Variants in CENPM observed in about 807,000 individuals in gnomAD.
CENPM encodes centromere protein M, also known as interphase centromere complex protein 39.
In CENPM, 14 loss-of-function variants were observed where a neutral mutation model predicts 19.6. The observed-to-expected ratio is 0.71, with a 90% CI of 0.47 to 1.11. CENPM has a LOEUF of 1.11. Among genes scored for constraint, CENPM ranks in the 50% most tolerant of loss-of-function variants. CENPM has a pLI of 0.00. For synonymous variants in CENPM, 114 were observed against 101.5 expected, an observed-to-expected ratio of 1.12 and a Z score of -0.74; for missense variants, 239 against 228.4, an observed-to-expected ratio of 1.05 and a Z score of -0.30.
At chr22:41,942,693 G>C (rs1018791342) in intron 5 of CENPM, among the ~76,000 whole-genome samples, 2 of 151,440 alleles carry the variant, frequency 1.3e-5, no homozygotes, top group South Asian at 2.1e-4. Context: ...AGAGCTTGCA[G>C]TGAGCCGAGA....
the CENPM span, among the ~76,000 whole-genome samples, chr22:41,933,190 C>T: frequency 1.2e-4 from 18 of 152,168 alleles, no homozygotes; most frequent in African/African-American, 4.3e-4. Flanking sequence ...CATCTCCCTA[C>T]CCGGCCGTCT....
chr22:41,947,108 G>C lies in CENPM; in HGVS notation c.-32C>G, dbSNP rs752516442. 1 of 1,609,622 alleles carries C rather than the reference G, an allele frequency of 6.2e-7. No individual in the cohort carries two copies. Among genetic ancestry groups the C allele is most frequent in the East Asian group, 2.2e-5 (1 of 44,780 alleles). On this transcript the variant is annotated 5_prime_UTR_variant, in exon 1 of 6. Transcript: ENST00000215980. ...CGCAGGACCAACCGTTGCTCCTGCG[G>C]TGCGCGCCGATCTTTCAAACCGCCC...
At chr22:41,934,683 A>G (rs2077676725), downstream of CENPM, among the ~76,000 whole-genome samples, 1 of 152,234 alleles carries the variant, frequency 6.6e-6, no homozygotes, top group Non-Finnish European at 1.5e-5. Flanking sequence ...AATACATAAA[A>G]TAGTGGCTTC....
chr22:41,932,824 G>T, the CENPM span, among the ~76,000 whole-genome samples: 4 of 152,218 alleles, frequency 2.6e-5, no homozygotes, highest in African/African-American at 9.6e-5. This position sits in a 1 kb window ranked among gnomAD's most constrained non-coding sequence, Gnocchi z 4.3. Context: ...CACGCAGGAA[G>T]GCCCTTGTGA....
chr22:41,940,384 G>A (rs184405763), intron 5 of CENPM, among the ~76,000 whole-genome samples: 5 of 152,154 alleles, frequency 3.3e-5, no homozygotes, highest in Admixed American at 3.3e-4. Context: ...ACAAAGCTGG[G>A]GCTTTTTTTG....
At chr22:41,934,220 C>T (rs201547603), downstream of CENPM, among the ~76,000 whole-genome samples, 2 of 152,304 alleles carry the variant, frequency 1.3e-5, no homozygotes, top group East Asian at 3.9e-4. Context: ...GTCCTGCCTC[C>T]TTGGTAGGGA....
downstream of CENPM, among the ~76,000 whole-genome samples, chr22:41,933,970 G>A (rs1216909664): frequency 6.6e-6 from 1 of 152,228 alleles, no homozygotes; most frequent in African/African-American, 2.4e-5. Context: ...AGGCTCTTCA[G>A]TTTCTCTCCA....
chr22:41,945,184 T>C (rs1569428035), intron 4 of CENPM, 41 bp downstream of exon 4: 1 of 1,613,568 alleles, frequency 6.2e-7, no homozygotes, highest in African/African-American at 1.3e-5. Context: ...CAGCTTTCCC[T>C]TGGCTGGGGG....
rs374540211 is a variant in CENPM at position 41,939,157 on chromosome 22, G to A, written c.442C>T (p.Arg148Cys). The A allele has an allele frequency of 1.7e-5, 27 of 1,612,432 alleles. No homozygotes were observed. The highest frequency in any genetic ancestry group is 2.2e-5 in the East Asian group (1 of 44,876). ...TGGCCAGCACAGATCTGCAGCACGCGCACCAGGCGCTGCGCCATGGTGGCC... is the reference window on the plus strand; with the variant it reads ...TGGCCAGCACAGATCTGCAGCACGCACACCAGGCGCTGCGCCATGGTGGCC... The part of the protein sequence containing the change: ...FRATMAQRLV[R>C]VLQICAGHVP... Residue 148 changes from arginine (R) to cysteine (C), a missense_variant, in exon 6 of 6, where the codon CGC (arginine) becomes TGC (cysteine). By Grantham distance (180) the Arg-to-Cys change is radical. Coordinates refer to ENST00000215980, the MANE Select transcript of CENPM (RefSeq NM_024053.5).
At chr22:41,928,083 T>C in the CENPM span, 1 of 309,214 alleles carries the variant, frequency 3.2e-6, no homozygotes, top group Non-Finnish European at 6.6e-6. This position sits in a 1 kb window ranked among gnomAD's most constrained non-coding sequence, Gnocchi z 4.0. Flanking sequence ...GACTGGGGCC[T>C]TATCTAGCAC....
intron 5 of CENPM, among the ~76,000 whole-genome samples, chr22:41,941,292 G>A (rs1455615771): frequency 1.3e-5 from 2 of 152,232 alleles, no homozygotes; most frequent in Non-Finnish European, 2.9e-5. Context: ...GACAACACCA[G>A]CATGAAGAAG....
At chr22:41,930,983 C>T in the CENPM span, among the ~76,000 whole-genome samples, 1 of 151,718 alleles carries the variant, frequency 6.6e-6, no homozygotes, top group African/African-American at 2.4e-5. Flanking sequence ...ATAACAGGCA[C>T]GTGCCACCAT....
chr22:41,945,870 C>T, intron 3 of CENPM, 43 bp downstream of exon 3: 1 of 1,524,070 alleles, frequency 6.6e-7, no homozygotes, highest in Non-Finnish European at 9.1e-7. Flanking sequence ...AGTCCTGAGC[C>T]AGGCCTGCCT....
intron 4 of CENPM, 142 bp downstream of exon 4, chr22:41,945,083 T>G: frequency 4.6e-6 from 7 of 1,525,594 alleles, no homozygotes; most frequent in Non-Finnish European, 6.2e-6. Flanking sequence ...TCCTTCTTCC[T>G]GCCCTCCACC....
the CENPM span, among the ~76,000 whole-genome samples, chr22:41,928,459 G>A: frequency 0.057 from 8,729 of 152,258 alleles, 302 homozygotes; most frequent in Non-Finnish European, 0.079. The surrounding 1 kb of genome is among the most constrained non-coding windows in gnomAD (Gnocchi z 4.0). Flanking sequence ...TCAGCAGAGA[G>A]CATGGGGTTA....
At chr22:41,940,831 C>T (rs1162564679) in intron 5 of CENPM, among the ~76,000 whole-genome samples, 1 of 152,162 alleles carries the variant, frequency 6.6e-6, no homozygotes, top group Admixed American at 6.5e-5. Flanking sequence ...GCTGCTGAGG[C>T]TTGGGTTCCA....
At chr22:41,930,109 A>C in the CENPM span, among the ~76,000 whole-genome samples, 1 of 150,134 alleles carries the variant, frequency 6.7e-6, no homozygotes, top group Admixed American at 6.7e-5. Flanking sequence ...ATGCCCGGCA[A>C]ATTTTTTGTA....
intron 1 of CENPM, chr22:41,946,731 G>A: frequency 1.7e-6 from 1 of 595,786 alleles, no homozygotes; most frequent in South Asian, 2.0e-5. Context: ...CCCACCGCCG[G>A]CCTCTCCAGG....
chr22:41,939,289 G>A, intron 5 of CENPM, 93 bp from the exon 6 acceptor site: 1 of 1,454,104 alleles, frequency 6.9e-7, no homozygotes, highest in Non-Finnish European at 9.1e-7. Context: ...CAGGGCTGGG[G>A]GCGGATACTT....
Sources: gnomAD v4.1 joint callset for allele counts (sites outside exome capture counted in the v4.1 genomes callset) on GRCh38, gnomAD v4.1.1 for gene constraint, Gnocchi (gnomAD v3.1) non-coding constraint, MANE v1.5 for transcripts, NCBI Gene and HGNC (gene_info 2026-07-23, HGNC 2026-07-21) for gene names.